Variants in KHDRBS2 observed in about 807,000 individuals in gnomAD.
KHDRBS2 encodes KH RNA binding domain containing, signal transduction associated 2.
Under a neutral mutation model 44.3 loss-of-function variants are expected in KHDRBS2, and 26 were observed. That is an observed-to-expected ratio of 0.59 (90% confidence interval 0.43 to 0.81). The LOEUF (loss-of-function observed/expected upper bound fraction) is 0.81, where lower values mean the gene tolerates loss of function less well. Ranked by LOEUF, KHDRBS2 falls within the 40% of genes least tolerant of loss-of-function variation. The probability of loss-of-function intolerance (pLI) is 0.00; values close to 1 mark genes in which losing one functional copy is unlikely to be tolerated. For missense variants in KHDRBS2, 476 were observed against 433.1 expected (o/e 1.10, Z -0.88); for synonymous variants, 194 against 151.1 (o/e 1.28, Z -2.08).
intron 4 of KHDRBS2, among the ~76,000 whole-genome samples, chr6:61,914,952 G>A (rs1463015246): frequency 1.3e-5 from 2 of 152,100 alleles, no homozygotes; most frequent in African/African-American, 2.4e-5. Context: ...GTGAAGTCAC[G>A]AAGCCATGAC....
At chr6:62,271,109 T>G (rs1840018187) in intron 1 of KHDRBS2, among the ~76,000 whole-genome samples, 1 of 152,152 alleles carries the variant, frequency 6.6e-6, no homozygotes, top group South Asian at 2.1e-4. Context: ...TGTTTAACCT[T>G]AAGTATATAT....
the KHDRBS2 span, among the ~76,000 whole-genome samples, chr6:61,598,995 G>A: frequency 9.9e-5 from 15 of 151,886 alleles, no homozygotes; most frequent in South Asian, 4.2e-4. Flanking sequence ...GTGCAATGGC[G>A]TGATCTTGGC....
intron 3 of KHDRBS2, among the ~76,000 whole-genome samples, chr6:62,004,254 A>G (rs1778802270): frequency 6.6e-6 from 1 of 152,134 alleles, no homozygotes; most frequent in African/African-American, 2.4e-5. Flanking sequence ...ATAGACCACT[A>G]GCAAGACTAG....
chr6:61,961,069 T>C (rs1271541897), intron 4 of KHDRBS2, among the ~76,000 whole-genome samples: 1 of 152,114 alleles, frequency 6.6e-6, no homozygotes, highest in Non-Finnish European at 1.5e-5. Context: ...GTGAGACTTG[T>C]ATGGATAAAG....
chr6:61,917,760 T>C (rs1807293297), intron 4 of KHDRBS2, among the ~76,000 whole-genome samples: 1 of 151,976 alleles, frequency 6.6e-6, no homozygotes, highest in East Asian at 1.9e-4. Flanking sequence ...TCTCTTTACC[T>C]TCCTGTCAAT....
intron 2 of KHDRBS2, among the ~76,000 whole-genome samples, chr6:62,164,851 T>C (rs546000852): frequency 1.3e-5 from 2 of 152,012 alleles, no homozygotes; most frequent in African/African-American, 4.8e-5. Flanking sequence ...TAATCCAAAC[T>C]TATCAGTCTG....
chr6:62,106,499 AT>A (rs1339918209), intron 2 of KHDRBS2, among the ~76,000 whole-genome samples: 3 of 152,058 alleles, frequency 2.0e-5, no homozygotes, highest in Non-Finnish European at 4.4e-5. Flanking sequence ...ATAGTTAGCT[AT>A]TCTTGGTGAA....
chr6:62,063,959 A>T (rs1202249322), intron 2 of KHDRBS2, among the ~76,000 whole-genome samples: 1 of 148,448 alleles, frequency 6.7e-6, no homozygotes. Flanking sequence ...AATGTACAAA[A>T]ATCACAAGCG....
the KHDRBS2 span, among the ~76,000 whole-genome samples, chr6:61,587,331 C>T: frequency 0.016 from 2,434 of 151,484 alleles, 67 homozygotes; most frequent in African/African-American, 0.057. Flanking sequence ...TCAGCTGGTG[C>T]TAGGGAGACT....
At chr6:61,967,955 T>C (rs9453794) in intron 4 of KHDRBS2, among the ~76,000 whole-genome samples, 7 of 130,178 alleles carry the variant, frequency 5.4e-5, no homozygotes, top group African/African-American at 2.2e-4. Flanking sequence ...TATATATATA[T>C]ATACACACAC....
At chr6:61,935,511 A>T (rs1348314002) in intron 4 of KHDRBS2, among the ~76,000 whole-genome samples, 1 of 152,162 alleles carries the variant, frequency 6.6e-6, no homozygotes, top group Non-Finnish European at 1.5e-5. Context: ...ACATGCATGA[A>T]TGCTTAACAT....
chr6:61,771,568 C>A (rs1422023361), intron 6 of KHDRBS2, among the ~76,000 whole-genome samples: 1 of 152,026 alleles, frequency 6.6e-6, no homozygotes, highest in Non-Finnish European at 1.5e-5. Flanking sequence ...TTTAAACCAC[C>A]AAAGATCAAA....
intron 1 of KHDRBS2, among the ~76,000 whole-genome samples, chr6:62,254,285 C>T (rs1287370095): frequency 6.6e-6 from 1 of 152,000 alleles, no homozygotes; most frequent in Non-Finnish European, 1.5e-5. Context: ...CTAAACTGTA[C>T]CCACTATTTC....
intron 7 of KHDRBS2, among the ~76,000 whole-genome samples, chr6:61,712,808 C>T (rs966949660): frequency 1.3e-5 from 2 of 151,500 alleles, no homozygotes; most frequent in Non-Finnish European, 3.0e-5. Flanking sequence ...ATGGTTGTGC[C>T]CCCCACCTAG....
chr6:62,048,164 C>A, intron 2 of KHDRBS2, among the ~76,000 whole-genome samples, 170 bp from the exon 3 acceptor site: 2 of 120,784 alleles, frequency 1.7e-5, no homozygotes, highest in African/African-American at 3.3e-5. Flanking sequence ...ACACAAACCC[C>A]AAACCATTTC....
chr6:62,247,883 A>ATT (rs201239915), intron 1 of KHDRBS2, among the ~76,000 whole-genome samples: 1 of 152,090 alleles, frequency 6.6e-6, no homozygotes, highest in Non-Finnish European at 1.5e-5. Flanking sequence ...GAATATCTCC[A>ATT]TTTTTTAAAA....
intron 1 of KHDRBS2, among the ~76,000 whole-genome samples, chr6:62,265,448 A>G (rs1359850675): frequency 1.3e-5 from 2 of 151,830 alleles, no homozygotes; most frequent in Admixed American, 6.6e-5. Flanking sequence ...ATGTGTGTGT[A>G]TTTGAGACAT....
At chr6:62,245,440 A>C (rs1487627319) in intron 1 of KHDRBS2, among the ~76,000 whole-genome samples, 5 of 152,128 alleles carry the variant, frequency 3.3e-5, no homozygotes, top group Non-Finnish European at 5.9e-5. Flanking sequence ...CCTGACATCA[A>C]ATAATTATGT....
the KHDRBS2 span, among the ~76,000 whole-genome samples, chr6:61,588,076 C>T: frequency 6.6e-6 from 1 of 152,180 alleles, no homozygotes; most frequent in African/African-American, 2.4e-5. Context: ...CCACACCCTA[C>T]CATCATCAAA....
Sources: allele counts gnomAD v4.1 joint callset (sites outside exome capture counted in the v4.1 genomes callset), GRCh38; gene constraint gnomAD v4.1.1; transcripts MANE v1.5; gene names NCBI Gene and HGNC (gene_info 2026-07-23, HGNC 2026-07-21).